The following AZIN2 variants were observed in gnomAD, a reference collection of about 807,000 sequenced individuals.
AZIN2 encodes the protein ODC antizyme inhibitor-2.
In AZIN2, 28 loss-of-function variants were observed where a neutral mutation model predicts 47.8. The observed-to-expected ratio is 0.59, with a 90% confidence interval of 0.43 to 0.80. The LOEUF (loss-of-function observed/expected upper bound fraction) is 0.80, where lower values mean the gene tolerates loss of function less well. Among genes scored for constraint, AZIN2 ranks in the 30% least tolerant of loss-of-function variants. AZIN2 has a pLI of 0.00. For missense variants in AZIN2, 535 were observed against 582.5 expected, an observed-to-expected ratio of 0.92 and a Z score of 0.84; for synonymous variants, 221 against 239.4, an observed-to-expected ratio of 0.92 and a Z score of 0.71.
At chr1:33,145,183 T>TG in the AZIN2 span, among the ~76,000 whole-genome samples, 138 of 152,312 alleles carry the variant, frequency 9.1e-4, no homozygotes, top group Admixed American at 1.8e-3. Context: ...GGTAAGTTTT[T>TG]GGACAGGTTT....
chr1:33,101,733 C>T, intron 10 of AZIN2: 1 of 651,366 alleles, frequency 1.5e-6, no homozygotes, highest in Non-Finnish European at 2.8e-6. Flanking sequence ...AAATCTATTC[C>T]TCGAGTGTAT....
chr1:33,114,048 T>G (rs1644403610), intron 10 of AZIN2, among the ~76,000 whole-genome samples: 3 of 152,184 alleles, frequency 2.0e-5, no homozygotes, highest in Non-Finnish European at 4.4e-5. Flanking sequence ...AGTGAGATTT[T>G]GGCCATAGGG....
the AZIN2 span, among the ~76,000 whole-genome samples, chr1:33,144,228 C>T: frequency 6.6e-6 from 1 of 152,078 alleles, no homozygotes; most frequent in Non-Finnish European, 1.5e-5. Flanking sequence ...ACCTCCGCCT[C>T]CCGGGTTCAA....
At chr1:33,136,523 C>T in the AZIN2 span, among the ~76,000 whole-genome samples, 1 of 151,794 alleles carries the variant, frequency 6.6e-6, no homozygotes, top group Non-Finnish European at 1.5e-5. Context: ...TGCATGCCAC[C>T]ACACCTAGCT....
chr1:33,094,662 C>A lies in AZIN2; in HGVS notation c.702C>A (p.Asp234Glu), dbSNP rs368655497. 38 of 1,614,002 alleles carry A rather than the reference C, an allele frequency of 2.4e-5. No homozygotes were observed. The highest frequency in any genetic ancestry group is 3.1e-5 in the Non-Finnish European group (37 of 1,180,036). The change falls in exon 8 of 12, where the codon GAC becomes GAA. Residue 234 changes from aspartate to glutamate, a missense_variant. Transcript: ENST00000294517. ...TGGGTCACAAGATGCACGTTCTGGA[C>A]CTTGGTGGTGGCTTCCCTGGCACAG... is the stretch of plus-strand genomic sequence containing the variant. ...TELGHKMHVL[D>E]LGGGFPGTEG...
chr1:33,137,224 A>G, the AZIN2 span, among the ~76,000 whole-genome samples: 1 of 152,124 alleles, frequency 6.6e-6, no homozygotes, highest in Non-Finnish European at 1.5e-5. Flanking sequence ...GCTAATAAGG[A>G]GCACAGGTTT....
chr1:33,108,049 C>T (rs989142120), intron 10 of AZIN2, among the ~76,000 whole-genome samples: 6 of 152,128 alleles, frequency 3.9e-5, no homozygotes, highest in Non-Finnish European at 7.4e-5. Context: ...AAGCTGGAGG[C>T]ATCACATTAT....
At chr1:33,134,755 G>A in the AZIN2 span, among the ~76,000 whole-genome samples, 44 of 152,328 alleles carry the variant, frequency 2.9e-4, no homozygotes, top group Admixed American at 1.4e-3. Context: ...AGCTTGCTGC[G>A]CCTGCCCTCT....
At position 33,120,382 on chromosome 1, in the gene AZIN2, C is replaced by G; in HGVS notation, c.*200C>G. The stretch of plus-strand genomic sequence containing the variant: ...TGTAGTTCAAGTATGCAACATAAAT[C>G]CTGTTCCTTCCAGCTGTGTCTGCCT... On this transcript the variant is annotated 3_prime_UTR_variant, in exon 12 of 12. Transcript: ENST00000294517. The G allele has an allele frequency of 1.4e-6, 1 of 730,868 alleles. No individual in the cohort carries two copies. 45.3% of individuals were successfully genotyped at this position (730,868 alleles called of 1,614,324 possible).
chr1:33,151,430 A>G, the AZIN2 span, among the ~76,000 whole-genome samples: 1 of 152,082 alleles, frequency 6.6e-6, no homozygotes, highest in Non-Finnish European at 1.5e-5. Flanking sequence ...CGAATCATTA[A>G]CACAGGGTCT....
chr1:33,101,062 A>G (rs578036866), intron 10 of AZIN2, among the ~76,000 whole-genome samples: 1 of 152,044 alleles, frequency 6.6e-6, no homozygotes, highest in African/African-American at 2.4e-5. Flanking sequence ...AGGTTTTGCC[A>G]TGCTGGCCAG....
chr1:33,082,271 T>C lies in AZIN2; in HGVS notation c.22T>C (p.Ser8Pro), dbSNP rs974297981. MAGYLSE[S>P]DFVMVEEGFS... is the part of the protein sequence containing the mutation. ...AGGCATGGCTGGCTACCTGAGTGAA[T>C]CGGACTTTGTGATGGTGGAGGAGGG... Residue 8 changes from serine to proline, a missense_variant, in exon 4 of 12, where the codon TCG becomes CCG. Physicochemically the swap from Ser to Pro is moderately conservative, Grantham distance 74. Transcript: ENST00000294517. The C allele has an allele frequency of 6.2e-7, 1 of 1,613,878 alleles. No individual in the cohort carries two copies. The highest frequency in any genetic ancestry group is 1.7e-5 in the Admixed American group (1 of 59,980).
intron 4 of AZIN2, chr1:33,083,418 G>A (rs78778198): frequency 0.022 from 4,215 of 188,776 alleles, 195 homozygotes; most frequent in African/African-American, 0.091. Context: ...CAGTGTCAGT[G>A]GGACTAGCTT....
chr1:33,124,514 G>A (rs532773934), downstream of AZIN2, among the ~76,000 whole-genome samples: 1 of 152,292 alleles, frequency 6.6e-6, no homozygotes, highest in East Asian at 1.9e-4. This position sits in a 1 kb window ranked among gnomAD's most constrained non-coding sequence, Gnocchi z 4.6. Flanking sequence ...GGCAGACCCA[G>A]TCAGGAAACT....
At chr1:33,114,355 C>CTT (rs59452990) in intron 10 of AZIN2, among the ~76,000 whole-genome samples, 11 of 115,970 alleles carry the variant, frequency 9.5e-5, no homozygotes, top group African/African-American at 2.7e-4. Context: ...TTTTTCTTTT[C>CTT]TTTTTTTTTT....
chr1:33,159,581 A>G, the AZIN2 span: 1 of 1,420,974 alleles, frequency 7.0e-7, no homozygotes, highest in Non-Finnish European at 9.3e-7. The surrounding 1 kb of genome is among the most constrained non-coding windows in gnomAD (Gnocchi z 4.2). Context: ...GAAGATTTGA[A>G]TGAAAGAATT....
At chr1:33,136,113 CCCTTCCTTCCTTCCTTCCTTCCTTCCTT>C in the AZIN2 span, among the ~76,000 whole-genome samples, 3 of 103,512 alleles carry the variant, frequency 2.9e-5, no homozygotes, top group African/African-American at 3.9e-5. Context: ...CAGGGGCCAG[CCCTTCCTTCCTTCCTTCCTTCCTTCCTT>C]CCTTCCTTCC....
intron 9 of AZIN2, 152 bp downstream of exon 9, chr1:33,097,021 C>A: frequency 5.9e-6 from 5 of 846,682 alleles, no homozygotes; most frequent in Non-Finnish European, 9.1e-6. Context: ...TCAGTCAAGT[C>A]GCCCCACCCC....
chr1:33,094,535 C>T lies in AZIN2; in HGVS notation c.588-13C>T. ...GCCCTGCATGTCAGCCGAGGCTCTT[C>T]CTCTCTTCCCAGTTTTCACATTGGC... On this transcript the variant is annotated splice_polypyrimidine_tract_variant and intron_variant, in intron 7 of 11. Coordinates refer to ENST00000294517, the MANE Select transcript of AZIN2 (RefSeq NM_052998.4). 1.2e-6 allele frequency: 2 copies of T among 1,604,438 alleles called. No homozygotes were observed. Among genetic ancestry groups the T allele is most frequent in the Admixed American group, 3.3e-5 (2 of 59,730 alleles).
Sources: allele counts gnomAD v4.1 joint callset (sites outside exome capture counted in the v4.1 genomes callset), GRCh38; gene constraint gnomAD v4.1.1; non-coding constraint Gnocchi (gnomAD v3.1); transcripts MANE v1.5; gene names NCBI Gene and HGNC (gene_info 2026-07-23, HGNC 2026-07-21).